The following SUV39H1 variants were observed in gnomAD, a reference collection of about 807,000 sequenced individuals.
The protein encoded by SUV39H1 is SUV39H1 histone lysine methyltransferase.
For missense variants in SUV39H1, 180 were observed against 386.3 expected (o/e 0.47, Z 4.48); for synonymous variants, 141 against 150.5 (o/e 0.94, Z 0.46).
rs963817453 is a variant in SUV39H1, at chrX:48,706,114, C to A, written c.829-151C>A. 9 of 772,724 alleles carry A rather than the reference C, an allele frequency of 1.2e-5. No homozygotes were observed. In the African/African-American group the frequency reaches 1.9e-4, roughly 16 times the overall value. 63.7% of individuals were successfully genotyped at this position (772,724 alleles called of 1,213,427 possible). On this transcript the variant is annotated intron_variant, in intron 3 of 5. Transcript: ENST00000376687. ...AGTTGCCAGCTGAGGCCCAGCTCCT[C>A]AGGAAGGGCCGACAGACTCTCTGCG...
At chrX:48,695,775 G>A, upstream of SUV39H1, 1 of 1,155,976 alleles carries the variant, frequency 8.7e-7, no homozygotes, top group East Asian at 3.2e-5. Flanking sequence ...TGTCTGCCCT[G>A]ATAGAATCTC....
chrX:48,707,255 C>G (rs1312591913), intron 5 of SUV39H1, among the ~76,000 whole-genome samples, 182 bp from the exon 6 acceptor site: 1 of 110,785 alleles, frequency 9.0e-6, no homozygotes, highest in Non-Finnish European at 1.9e-5. Context: ...TCTCCCAACT[C>G]AAATCCCAGA....
At chrX:48,695,960 TGAG>T (rs2062453101), upstream of SUV39H1, 1 of 1,090,638 alleles carries the variant, frequency 9.2e-7, no homozygotes, top group African/African-American at 1.8e-5. Context: ...GTGGTGTGAA[TGAG>T]AAGTAATCTG....
chrX:48,703,771 C>T (rs1557009700), intron 3 of SUV39H1, among the ~76,000 whole-genome samples: 1 of 111,253 alleles, frequency 9.0e-6, no homozygotes, highest in Non-Finnish European at 1.9e-5. Flanking sequence ...ACAGGAACAC[C>T]TTTCACGTCC....
At chrX:48,699,537 C>T (rs781805389) in intron 2 of SUV39H1, among the ~76,000 whole-genome samples, 1 of 111,778 alleles carries the variant, frequency 8.9e-6, no homozygotes, top group Non-Finnish European at 1.9e-5. Context: ...TTCAGTACTT[C>T]ATTTTCCTTG....
chrX:48,707,896 A>T lies in SUV39H1; in HGVS notation c.*326A>T. On this transcript the variant is annotated 3_prime_UTR_variant, in exon 6 of 6. Transcript: ENST00000376687. Reference sequence around the variant, plus strand: ...AAGGGGTGAGTCCCAACCCAGCCCCAGAATATATTTGTTTTTGCACCTGCT... The same window carrying T: ...AAGGGGTGAGTCCCAACCCAGCCCCTGAATATATTTGTTTTTGCACCTGCT... 3.1e-6 allele frequency: 1 copy of T among 324,107 alleles called. No individual in the cohort carries two copies. 26.7% of individuals were successfully genotyped at this position (324,107 alleles called of 1,213,427 possible).
intron 3 of SUV39H1, among the ~76,000 whole-genome samples, chrX:48,704,402 C>T (rs1314934132): frequency 9.0e-6 from 1 of 111,139 alleles, no homozygotes; most frequent in Non-Finnish European, 1.9e-5. Flanking sequence ...TCATACCCCA[C>T]CCACTAGGCC....
At chrX:48,698,496 C>T (rs782807265) in intron 1 of SUV39H1, among the ~76,000 whole-genome samples, 2 of 111,641 alleles carry the variant, frequency 1.8e-5, no homozygotes, top group East Asian at 5.6e-4. Flanking sequence ...GTCCTCCCAT[C>T]CGCCCCACCT....
Position 48,700,224 on chromosome X carries a change from G to A in SUV39H1, c.299G>A (p.Arg100Gln), listed in dbSNP as rs782170405. 7 of 1,205,423 alleles carry A rather than the reference G, an allele frequency of 5.8e-6. No individual in the cohort carries two copies. The highest frequency in any genetic ancestry group is 5.4e-5 in the South Asian group (3 of 55,824). ...GACTTAGAAAGGGAGCTGCTCCGGC[G>A]GCACCACCGGTCAAAGACCCCCCGG... ...HKDLERELLR[R>Q]HHRSKTPRHL... The change falls in exon 3 of 6, where the codon CGG becomes CAG. Residue 100 changes from arginine (R) to glutamine (Q), a missense_variant. Transcript: ENST00000376687.
intron 3 of SUV39H1, among the ~76,000 whole-genome samples, chrX:48,704,098 T>C (rs1557009751): frequency 9.1e-6 from 1 of 109,545 alleles, no homozygotes; most frequent in Admixed American, 9.8e-5. Context: ...CAGCACCCTC[T>C]CGGAACTGCC....
chrX:48,696,665 C>A, upstream of SUV39H1: 2 of 996,506 alleles, frequency 2.0e-6, no homozygotes, highest in Non-Finnish European at 1.3e-6. Context: ...TCCGGTTGGT[C>A]CGCGCGGGTG....
chrX:48,704,557 C>T (rs998260634), intron 3 of SUV39H1, among the ~76,000 whole-genome samples: 1 of 111,701 alleles, frequency 9.0e-6, no homozygotes, highest in Admixed American at 9.4e-5. Flanking sequence ...GAAGACTGTT[C>T]TCCAGGAGGT....
intron 3 of SUV39H1, among the ~76,000 whole-genome samples, chrX:48,704,490 C>T (rs1395017759): frequency 4.5e-5 from 5 of 110,958 alleles, no homozygotes; most frequent in Non-Finnish European, 9.5e-5. Flanking sequence ...AGGGGAGGAA[C>T]GGGAAGCTTG....
intron 3 of SUV39H1, among the ~76,000 whole-genome samples, chrX:48,701,608 A>C: frequency 9.0e-6 from 1 of 111,624 alleles, no homozygotes; most frequent in Middle Eastern, 4.6e-3. Flanking sequence ...ACCTCCATGC[A>C]AGAGAGGCAA....
In SUV39H1 at chrX:48,708,623, T is replaced by C. The variant is rs1211547349; in HGVS notation, c.*1053T>C. 1 of 112,105 alleles carries C rather than the reference T, an allele frequency of 8.9e-6. No individual in the cohort carries two copies. The highest frequency in any genetic ancestry group is 1.9e-5 in the Non-Finnish European group (1 of 53,029). The allele number at this position is 112,105 out of a possible 1,213,427, so 9.2% of individuals were successfully genotyped here. A position where few individuals can be genotyped will look rare whatever the true frequency, so the allele number is the denominator to read the frequency against. ...GGTGGGGGAGATGGCTTCCCCACTA[T>C]GGGATGACGAGGCGAGAGGGAAGCC... On this transcript the variant is annotated 3_prime_UTR_variant, in exon 6 of 6. Coordinates refer to ENST00000376687, the MANE Select transcript of SUV39H1 (RefSeq NM_003173.4).
intron 4 of SUV39H1, 32 bp from the exon 5 acceptor site, chrX:48,706,466 C>A (rs782312190): frequency 3.3e-6 from 4 of 1,197,433 alleles, no homozygotes; most frequent in Middle Eastern, 4.7e-4. Context: ...TGGAGCCCCT[C>A]CTCACTCTCC....
At chrX:48,698,875 T>C in intron 1 of SUV39H1, 27 bp from the exon 2 acceptor site, 2 of 1,201,711 alleles carry the variant, frequency 1.7e-6, no homozygotes, top group East Asian at 3.0e-5. Context: ...TGCCCAGTAA[T>C]AGTTCTTTCT....
chrX:48,696,562 T>TGCC (rs1171639605), upstream of SUV39H1: 15 of 348,936 alleles, frequency 4.3e-5, no homozygotes, highest in South Asian at 2.4e-4. Context: ...TCGCTCCCGC[T>TGCC]GCCGCCGCCG....
At chrX:48,707,365 TCCTCCCTC>T in intron 5 of SUV39H1, 64 bp from the exon 6 acceptor site, 1 of 1,032,978 alleles carries the variant, frequency 9.7e-7, no homozygotes, top group Non-Finnish European at 1.3e-6. Context: ...TTCCCTACCT[TCCTCCCTC>T]CCTCCTTCTC....
Sources: allele counts gnomAD v4.1 joint callset (sites outside exome capture counted in the v4.1 genomes callset), GRCh38; gene constraint gnomAD v4.1.1; transcripts MANE v1.5; gene names NCBI Gene and HGNC (gene_info 2026-07-23, HGNC 2026-07-21).